Variants in RANBP2 observed in about 807,000 individuals in gnomAD.
The protein encoded by RANBP2 is RAN binding protein 2.
In RANBP2, 57 loss-of-function variants were observed where a neutral mutation model predicts 303.6. That is an observed-to-expected ratio of 0.19 (90% CI 0.15 to 0.23). The LOEUF is 0.23. Among genes scored for constraint, RANBP2 ranks in the 10% least tolerant of loss-of-function variants. The pLI, the probability that RANBP2 is intolerant of heterozygous loss-of-function variation, is 1.00. For missense variants in RANBP2, 3,138 were observed against 3,780.8 expected (o/e 0.83, Z 4.46); for synonymous variants, 1,167 against 1,301.5 (o/e 0.90, Z 2.23).
At chr2:109,383,858 C>T in the RANBP2 span, among the ~76,000 whole-genome samples, 2 of 152,184 alleles carry the variant, frequency 1.3e-5, no homozygotes, top group Non-Finnish European at 2.9e-5. Flanking sequence ...GTCCTTATAC[C>T]CTTTAAGTAA....
At chr2:109,428,799 G>A in the RANBP2 span, among the ~76,000 whole-genome samples, 4 of 152,200 alleles carry the variant, frequency 2.6e-5, no homozygotes, top group African/African-American at 7.2e-5. Flanking sequence ...TGAGCACTCC[G>A]CAGGGCCTGT....
At chr2:109,603,642 T>C in the RANBP2 span, among the ~76,000 whole-genome samples, 1 of 152,110 alleles carries the variant, frequency 6.6e-6, no homozygotes, top group African/African-American at 2.4e-5. Context: ...ATTTAAATCT[T>C]AGTACAATTG....
the RANBP2 span, among the ~76,000 whole-genome samples, chr2:109,486,477 G>A: frequency 3.9e-5 from 6 of 152,120 alleles, no homozygotes; most frequent in Admixed American, 1.3e-4. Flanking sequence ...TAGGTATTTC[G>A]TAAACTATTT....
chr2:109,369,480 T>G, the RANBP2 span, among the ~76,000 whole-genome samples: 1 of 152,276 alleles, frequency 6.6e-6, no homozygotes, highest in African/African-American at 2.4e-5. Context: ...GCTCTTAGAA[T>G]GCTCTTTACG....
chr2:109,393,128 A>G, the RANBP2 span, among the ~76,000 whole-genome samples: 2 of 152,236 alleles, frequency 1.3e-5, no homozygotes, highest in Non-Finnish European at 2.9e-5. Context: ...GGCAAAGGCC[A>G]TTCTTCATCT....
chr2:108,772,671 G>A lies in RANBP2; in HGVS notation c.8113+90G>A, dbSNP rs552955118. ...TAGTCTGATAATTTCTATAATTATC[G>A]ATTTTACGATGCCCATGGTGATTTA... On this transcript the variant is annotated intron_variant, in intron 22 of 28. Coordinates refer to ENST00000283195, the MANE Select transcript of RANBP2 (RefSeq NM_006267.5). The A allele has an allele frequency of 8.4e-6, 11 of 1,305,660 alleles. No individual in the cohort carries two copies. In the Admixed American group the frequency reaches 1.5e-4, roughly 17 times the overall value. 80.9% of individuals were successfully genotyped at this position (1,305,660 alleles called of 1,614,324 possible). A position where few individuals can be genotyped will look rare whatever the true frequency, so the allele number is the denominator to read the frequency against.
At chr2:109,117,160 A>G in the RANBP2 span, among the ~76,000 whole-genome samples, 1 of 152,226 alleles carries the variant, frequency 6.6e-6, no homozygotes, top group Admixed American at 6.5e-5. Flanking sequence ...TGCTCTCTTC[A>G]AAGCTGTCAG....
the RANBP2 span, among the ~76,000 whole-genome samples, chr2:109,689,836 G>T: frequency 1.3e-5 from 2 of 152,046 alleles, no homozygotes; most frequent in South Asian, 2.1e-4. Context: ...CCATTGCCAA[G>T]TGTCTCTGAA....
rs747511001 is a variant in RANBP2, at chr2:108,764,804, G to C, written c.4265G>C (p.Ser1422Thr). 1.9e-6 allele frequency: 3 copies of C among 1,614,022 alleles called. No homozygotes were observed. The South Asian group carries it at 3.3e-5, about 18-fold the overall frequency. ...AAGAAAGAAGGTCACTGGGATTGTAGTATTTGTTTAGTAAGAAATGAACCT... is the reference window on the plus strand; with the variant it reads ...AAGAAAGAAGGTCACTGGGATTGTACTATTTGTTTAGTAAGAAATGAACCT... ...TPKKEGHWDC[S>T]ICLVRNEPTV... The change falls in exon 20 of 29, where the codon AGT becomes ACT. Residue 1422 changes from serine (S) to threonine (T), a missense_variant. This residue lies in a region of RANBP2 where 388 missense variants were observed against 328.5 expected (regional missense o/e 1.18). Transcript: ENST00000283195.
the RANBP2 span, among the ~76,000 whole-genome samples, chr2:109,772,474 TGTAAG>T: frequency 1.3e-5 from 1 of 78,534 alleles, no homozygotes; most frequent in East Asian, 4.5e-4. Flanking sequence ...GGTACGATAA[TGTAAG>T]GAAAGGCAAA....
chr2:109,449,548 T>C, the RANBP2 span: 16 of 1,568,098 alleles, frequency 1.0e-5, no homozygotes, highest in African/African-American at 1.8e-4. Flanking sequence ...CTGTAACTTT[T>C]TGGCACTAGA....
chr2:109,296,558 A>C, the RANBP2 span, among the ~76,000 whole-genome samples: 2 of 152,082 alleles, frequency 1.3e-5, no homozygotes, highest in African/African-American at 4.8e-5. Context: ...ATGACCTTTT[A>C]AAGGTCATCA....
At chr2:108,725,109 C>T (rs1694589573) in intron 1 of RANBP2, among the ~76,000 whole-genome samples, 1 of 152,108 alleles carries the variant, frequency 6.6e-6, no homozygotes, top group South Asian at 2.1e-4. Context: ...CTGTTTTCAG[C>T]CCTGCATCAG....
chr2:109,132,383 A>G, the RANBP2 span, among the ~76,000 whole-genome samples: 1 of 152,240 alleles, frequency 6.6e-6, no homozygotes, highest in Admixed American at 6.5e-5. Flanking sequence ...GGCAGGACAC[A>G]AAACAGTGTT....
chr2:108,839,080 G>T, the RANBP2 span: 1 of 1,217,138 alleles, frequency 8.2e-7, no homozygotes, highest in Non-Finnish European at 1.1e-6. Flanking sequence ...GAACTCTTTT[G>T]TTTTGTTTTG....
At chr2:108,963,453 G>A in the RANBP2 span, among the ~76,000 whole-genome samples, 2 of 152,116 alleles carry the variant, frequency 1.3e-5, no homozygotes, top group African/African-American at 4.8e-5. Flanking sequence ...ATTTGAAAGT[G>A]GATTCACGTG....
the RANBP2 span, among the ~76,000 whole-genome samples, chr2:109,598,508 G>A: frequency 2.0e-5 from 3 of 152,066 alleles, no homozygotes; most frequent in Admixed American, 6.6e-5. Flanking sequence ...TAATGTGAGC[G>A]AGAGCGAGAG....
At chr2:109,633,907 G>T in the RANBP2 span, among the ~76,000 whole-genome samples, 1 of 151,786 alleles carries the variant, frequency 6.6e-6, no homozygotes, top group South Asian at 2.1e-4. Flanking sequence ...GGATCACAAG[G>T]TTAGGAGTTC....
chr2:109,459,465 T>C, the RANBP2 span, among the ~76,000 whole-genome samples: 1 of 152,162 alleles, frequency 6.6e-6, no homozygotes, highest in African/African-American at 2.4e-5. Context: ...TTTTTAGTCC[T>C]GTCTGGATTG....
Sources: allele counts gnomAD v4.1 joint callset (sites outside exome capture counted in the v4.1 genomes callset), GRCh38; gene constraint gnomAD v4.1.1; regional missense constraint gnomAD v4.1.1; transcripts MANE v1.5; gene names NCBI Gene and HGNC (gene_info 2026-07-23, HGNC 2026-07-21).